Variants in DSG1 observed in about 807,000 individuals in gnomAD.
DSG1 encodes the protein desmoglein-1.
Under a neutral mutation model 97.5 loss-of-function variants are expected in DSG1, and 39 were observed. That is an observed-to-expected ratio of 0.40 (90% confidence interval 0.31 to 0.52). DSG1 has a LOEUF of 0.52. DSG1 is among the 20% of genes least tolerant of loss of function. The probability of loss-of-function intolerance (pLI) is 0.53; values close to 1 mark genes in which losing one functional copy is unlikely to be tolerated. For missense variants in DSG1, 1,311 were observed against 1,295.4 expected (o/e 1.01, Z -0.18); for synonymous variants, 475 against 443.4 (o/e 1.07, Z -0.90).
intron 6 of DSG1, 107 bp downstream of exon 6, chr18:31,331,974 C>G (rs1291420609): frequency 1.9e-6 from 2 of 1,079,922 alleles, no homozygotes; most frequent in East Asian, 5.0e-5. Context: ...TAAATTTTTA[C>G]TTGTATAACT....
chr18:31,326,576 TA>T lies in DSG1; in HGVS notation c.49-4del. The T allele has an allele frequency of 1.3e-6, 2 of 1,596,196 alleles. No individual in the cohort carries two copies. Among genetic ancestry groups the T allele is most frequent in the South Asian group, 2.2e-5 (2 of 89,934 alleles). ...TAACTAGTGTGATTATCTTATTTTT[TA>T]CAGGTGGTGGTAGAAGTTAACAGTG... On this transcript the variant is annotated splice_region_variant and splice_polypyrimidine_tract_variant and intron_variant, in intron 1 of 14. Coordinates refer to ENST00000257192, the MANE Select transcript of DSG1 (RefSeq NM_001942.4).
At position 31,355,146 on chromosome 18, in the gene DSG1, A is replaced by G. The variant is rs201665237; in HGVS notation, c.2950A>G (p.Met984Val). The G allele has an allele frequency of 8.2e-5, 132 of 1,611,298 alleles. No individual in the cohort carries two copies. The highest frequency in any genetic ancestry group is 4.3e-4 in the Admixed American group (26 of 59,936). ...IGSSGLVGTS[M>V]GAGSGALSGA... ...CAGCAGTGGCCTGGTTGGCACCAGC[A>G]TGGGTGCTGGGAGCGGTGCCCTGAG... The change falls in exon 15 of 15, where the codon ATG becomes GTG. Residue 984 changes from methionine (M) to valine (V), a missense_variant. Transcript: ENST00000257192.
chr18:31,333,210 T>C (rs1056324803), intron 6 of DSG1, among the ~76,000 whole-genome samples: 1 of 152,174 alleles, frequency 6.6e-6, no homozygotes, highest in Non-Finnish European at 1.5e-5. Context: ...TTGTTATCTG[T>C]TTATATGCTT....
chr18:31,335,033 A>G (rs2071743257), intron 8 of DSG1, among the ~76,000 whole-genome samples: 1 of 150,580 alleles, frequency 6.6e-6, no homozygotes, highest in Non-Finnish European at 1.5e-5. Context: ...TTTTCAGACT[A>G]GGTCTGGAAA....
intron 11 of DSG1, 95 bp downstream of exon 11, chr18:31,340,120 A>G: frequency 7.6e-7 from 1 of 1,321,270 alleles, no homozygotes; most frequent in Non-Finnish European, 1.1e-6. Context: ...GTATTTTACA[A>G]ATTCTCATTT....
intron 14 of DSG1, among the ~76,000 whole-genome samples, chr18:31,352,445 G>A (rs1441455749): frequency 8.0e-5 from 12 of 150,656 alleles, no homozygotes; most frequent in Non-Finnish European, 1.6e-4. Context: ...ACAATTATGT[G>A]TCTTGGAGTT....
chr18:31,350,440 G>C lies in DSG1; in HGVS notation c.2101-3857G>C, dbSNP rs1044806993. Among the ~76,000 whole-genome samples, 195 of 143,096 alleles carry C rather than the reference G, an allele frequency of 1.4e-3. 1 individual carries two copies. Among genetic ancestry groups the C allele is most frequent in the African/African-American group, 4.9e-3 (185 of 37,700 alleles). The allele number at this position is 143,096 out of a possible 152,430, so 93.9% of individuals were successfully genotyped here. On this transcript the variant is annotated intron_variant, in intron 14 of 14. Coordinates refer to ENST00000257192, the MANE Select transcript of DSG1 (RefSeq NM_001942.4). ...TGGTCTAAAATTCTCTTTTTTTGTT[G>C]TGTCTCTGCCTGGCTTTGGTATCAG...
At chr18:31,344,512 T>A (rs1414921768) in intron 13 of DSG1, among the ~76,000 whole-genome samples, 1 of 152,208 alleles carries the variant, frequency 6.6e-6, no homozygotes, top group South Asian at 2.1e-4. Context: ...ATTTTCAGTA[T>A]CATCACAAAT....
At chr18:31,326,450 A>C in intron 1 of DSG1, 131 bp from the exon 2 acceptor site, 1 of 732,172 alleles carries the variant, frequency 1.4e-6, no homozygotes, top group Non-Finnish European at 2.3e-6. Flanking sequence ...TCCACCTGCT[A>C]TTTGGCTGAT....
intron 13 of DSG1, among the ~76,000 whole-genome samples, chr18:31,344,499 TC>T (rs2071815428): frequency 6.6e-6 from 1 of 152,200 alleles, no homozygotes; most frequent in Non-Finnish European, 1.5e-5. Flanking sequence ...AAAAACTGCA[TC>T]CATTTTCAGT....
At chr18:31,330,135 C>T in intron 5 of DSG1, 99 bp downstream of exon 5, 1 of 1,443,448 alleles carries the variant, frequency 6.9e-7, no homozygotes, top group South Asian at 1.2e-5. Flanking sequence ...AAGAGATAAA[C>T]TATAGAAAAG....
intron 8 of DSG1, 135 bp downstream of exon 8, chr18:31,334,337 T>C (rs1252345347): frequency 1.6e-6 from 1 of 611,774 alleles, no homozygotes; most frequent in East Asian, 3.0e-5. Flanking sequence ...TAAATATATA[T>C]ATAACATAGA....
chr18:31,351,439 T>C (rs1182727182), intron 14 of DSG1, among the ~76,000 whole-genome samples: 2 of 149,182 alleles, frequency 1.3e-5, no homozygotes, highest in Non-Finnish European at 3.0e-5. Context: ...AAAAAATGTA[T>C]ATTCTGTTGA....
intron 11 of DSG1, among the ~76,000 whole-genome samples, chr18:31,340,601 T>C (rs1037964973): frequency 6.7e-6 from 1 of 150,096 alleles, no homozygotes; most frequent in Non-Finnish European, 1.5e-5. Context: ...GAGTAAACTC[T>C]GAGTTGCATT....
rs1285941013 is a variant in DSG1 at position 31,358,299 on chromosome 18, C to A, written c.*2953C>A. 6.6e-6 allele frequency among the ~76,000 whole-genome samples: 1 copy of A among 151,938 alleles called. No individual in the cohort carries two copies. The highest frequency in any genetic ancestry group is 1.5e-5 in the Non-Finnish European group (1 of 67,882). ...ATACCATCTCAAGCTAATTTTGACA[C>A]TGAATTACAGATATATCTGCTACAT... On this transcript the variant is annotated 3_prime_UTR_variant, in exon 15 of 15. Coordinates refer to ENST00000257192, the MANE Select transcript of DSG1 (RefSeq NM_001942.4).
At chr18:31,344,399 G>C (rs72927201) in intron 13 of DSG1, among the ~76,000 whole-genome samples, 11,874 of 152,050 alleles carry the variant, frequency 0.078, 564 homozygotes, top group South Asian at 0.15. Flanking sequence ...AAATAGAGCC[G>C]TGCTCATTTA....
chr18:31,320,268 A>T (rs2071645074), intron 1 of DSG1, among the ~76,000 whole-genome samples: 1 of 152,188 alleles, frequency 6.6e-6, no homozygotes, highest in Non-Finnish European at 1.5e-5. Context: ...GTCTCATTAT[A>T]AATGCATGCT....
chr18:31,323,102 A>T (rs1178152445), intron 1 of DSG1, among the ~76,000 whole-genome samples: 1 of 152,144 alleles, frequency 6.6e-6, no homozygotes, highest in Non-Finnish European at 1.5e-5. Flanking sequence ...AGCTGAGGAA[A>T]CTGAGCACAG....
chr18:31,324,315 T>C (rs2071673029), intron 1 of DSG1, among the ~76,000 whole-genome samples: 1 of 151,756 alleles, frequency 6.6e-6, no homozygotes, highest in Non-Finnish European at 1.5e-5. Flanking sequence ...TGTTTGTTTG[T>C]TGTCGTTGTT....
Sources: gnomAD v4.1 joint callset for allele counts (sites outside exome capture counted in the v4.1 genomes callset) on GRCh38, gnomAD v4.1.1 for gene constraint, MANE v1.5 for transcripts, NCBI Gene and HGNC (gene_info 2026-07-23, HGNC 2026-07-21) for gene names.